The following PSG9 variants were observed in gnomAD, a reference collection of about 807,000 sequenced individuals.
PSG9 encodes pregnancy specific beta-1-glycoprotein 9.
In PSG9, 49 loss-of-function variants were observed where a neutral mutation model predicts 41.9. That is an observed-to-expected ratio of 1.17 (90% CI 0.93 to 1.48). PSG9 has a LOEUF of 1.48. Among genes scored for constraint, PSG9 ranks in the 40% most tolerant of loss-of-function variants. The probability of loss-of-function intolerance (pLI) is 0.00; values close to 1 mark genes in which losing one functional copy is unlikely to be tolerated. For missense variants in PSG9, 641 were observed against 520.3 expected (o/e 1.23, Z -2.26); for synonymous variants, 263 against 196.8 (o/e 1.34, Z -2.82).
intron 3 of PSG9, chr19:43,259,771 A>AC (rs1968622917): frequency 1.3e-5 from 2 of 150,720 alleles, no homozygotes; most frequent in Admixed American, 1.3e-4. Context: ...TGAACCAGTG[A>AC]CCTCTAAACA....
intron 2 of PSG9, among the ~76,000 whole-genome samples, chr19:43,262,791 G>A (rs575486545): frequency 1.2e-4 from 18 of 152,278 alleles, no homozygotes; most frequent in South Asian, 6.2e-4. Flanking sequence ...TAACGATAGA[G>A]CAGAGTCCAA....
intron 2 of PSG9, among the ~76,000 whole-genome samples, chr19:43,263,853 G>A (rs1001603392): frequency 9.2e-5 from 14 of 152,208 alleles, no homozygotes; most frequent in East Asian, 1.9e-4. Flanking sequence ...TTACATAAAG[G>A]GAGGAAGGAT....
rs977728246 is a variant in PSG9, at chr19:43,257,880, G to C, written c.1243+322C>G. ...AAGACGTGGCAGAAGGGGATGTGTC[G>C]GTGACAGCGAGAAGCAACTTGATCT... On this transcript the variant is annotated intron_variant, in intron 5 of 5. Coordinates refer to ENST00000270077, the MANE Select transcript of PSG9 (RefSeq NM_002784.5). The C allele has an allele frequency of 1.5e-5, 21 of 1,389,404 alleles. 1 individual carries two copies. The African/African-American group carries it at 1.7e-4, about 11-fold the overall frequency. 86.1% of individuals were successfully genotyped at this position (1,389,404 alleles called of 1,614,324 possible).
Position 43,267,836 on chromosome 19 carries a change from C to G in PSG9, c.378G>C (p.Lys126Asn). ...DAGTYTLHIIKRGDETREEIR... is the reference protein window; with the variant it reads ...DAGTYTLHIINRGDETREEIR... ...TTTCTTCTCTAGTCTCATCACCTCG[C>G]TTTATGATGTGTAAGGTGTAGGTTC... The change falls in exon 2 of 6, where the codon AAG becomes AAC. Residue 126 changes from lysine to asparagine, a missense_variant. By Grantham distance (94) the Lys-to-Asn change is moderately conservative (BLOSUM62 0). Coordinates refer to ENST00000270077, the MANE Select transcript of PSG9 (RefSeq NM_002784.5). 1.2e-6 allele frequency: 2 copies of G among 1,613,574 alleles called. No individual in the cohort carries two copies. The highest frequency in any genetic ancestry group is 1.7e-6 in the Non-Finnish European group (2 of 1,179,690).
rs907076762 is a variant in PSG9, at chr19:43,255,747, A to T, written c.1244-2101T>A. Among the ~76,000 whole-genome samples, 5 of 146,994 alleles carry T rather than the reference A, an allele frequency of 3.4e-5. 1 individual carries two copies. The highest frequency in any genetic ancestry group is 1.3e-4 in the African/African-American group (5 of 38,816). On this transcript the variant is annotated intron_variant, in intron 5 of 5. Coordinates refer to ENST00000270077, the MANE Select transcript of PSG9 (RefSeq NM_002784.5). ...GAAGGGAAATTAAGAAAAAAATTTCAATTTATATTAACATCAAAAAGAATA... is the reference window on the plus strand; with the variant it reads ...GAAGGGAAATTAAGAAAAAAATTTCTATTTATATTAACATCAAAAAGAATA...
intron 1 of PSG9, 152 bp from the exon 2 acceptor site, chr19:43,268,301 G>C: frequency 1.6e-6 from 2 of 1,256,220 alleles, no homozygotes; most frequent in Admixed American, 4.9e-5. Flanking sequence ...AAACGGGCAT[G>C]TGTGTTTGTG....
In PSG9 at chr19:43,259,128, C is replaced by G. The variant is rs760045817; in HGVS notation, c.717G>C (p.Leu239=). The change falls in exon 4 of 6, where the codon CTG becomes CTC. Residue 239 remains leucine (L), a synonymous_variant. Transcript: ENST00000270077. ...TGTTGATGGTGATGTAGGGGATGGG[C>G]AGCTTCGCTGTGTGGATAACAGAGA... ...DPVTLNLLPK[L]PIPYITINNL... The G allele has an allele frequency of 1.3e-6, 2 of 1,590,408 alleles. No homozygotes were observed. The highest frequency in any genetic ancestry group is 8.5e-7 in the Non-Finnish European group (1 of 1,174,216).
At chr19:43,266,002 G>C (rs1160612773) in intron 2 of PSG9, among the ~76,000 whole-genome samples, 1 of 151,958 alleles carries the variant, frequency 6.6e-6, no homozygotes, top group East Asian at 1.9e-4. Context: ...CTAGTTAGAG[G>C]GAATGTCTGG....
rs1384167295 is a variant in PSG9, at chr19:43,259,004, G to C, written c.841C>G (p.Pro281Ala). ...GGTCGCTTTACCCCGGGACTGACGG[G>C]GAGGCTCTGACCGTTTAGCCACCAA... ...YIWWLNGQSL[P>A]VSPGVKRPIE... is the part of the protein sequence containing the mutation. The change falls in exon 4 of 6, where the codon CCC becomes GCC. Residue 281 changes from proline to alanine, a missense_variant. Coordinates refer to ENST00000270077, the MANE Select transcript of PSG9 (RefSeq NM_002784.5). The C allele has an allele frequency of 6.3e-7, 1 of 1,590,572 alleles. No individual in the cohort carries two copies. Among genetic ancestry groups the C allele is most frequent in the African/African-American group, 1.4e-5 (1 of 70,540 alleles).
rs138514996 is a variant in PSG9 at position 43,258,463 on chromosome 19, G to T, written c.989-7C>A. 1,321 of 1,556,466 alleles carry T rather than the reference G, an allele frequency of 8.5e-4. 167 individuals carry two copies. The African/African-American group carries it at 0.013, about 16-fold the overall frequency. ...CTGGGGAGGTCTGGACCATCTGGAG[G>T]AAAGAGAATAAAGCCACACGTGATG... On this transcript the variant is annotated splice_polypyrimidine_tract_variant and splice_region_variant and intron_variant, in intron 4 of 5. Coordinates refer to ENST00000270077, the MANE Select transcript of PSG9 (RefSeq NM_002784.5).
chr19:43,268,148 T>C lies in PSG9; in HGVS notation c.66A>G (p.Ala22=), dbSNP rs773040264. The C allele has an allele frequency of 1.9e-6, 3 of 1,599,336 alleles. No individual in the cohort carries two copies. The highest frequency in any genetic ancestry group is 2.7e-5 in the African/African-American group (2 of 74,314). ...RITWKGLLLT[A]SLLNFWNPPT... ...GCGGGTTCCAGAAGTTTAAAAGTGA[T>C]GCTAGGAGGGGGAGACAGCATCAGT... The change falls in exon 2 of 6, where the codon GCA becomes GCG. Residue 22 remains alanine (A), a splice_region_variant and synonymous_variant. Coordinates refer to ENST00000270077, the MANE Select transcript of PSG9 (RefSeq NM_002784.5).
At chr19:43,268,769 T>C (rs1172123638) in intron 1 of PSG9, among the ~76,000 whole-genome samples, 2 of 152,160 alleles carry the variant, frequency 1.3e-5, no homozygotes, top group African/African-American at 2.4e-5. Flanking sequence ...GTTGAGGTTT[T>C]TTGCTGAGGA....
chr19:43,266,214 C>T (rs1157375767), intron 2 of PSG9, among the ~76,000 whole-genome samples: 2 of 151,740 alleles, frequency 1.3e-5, no homozygotes, highest in Non-Finnish European at 1.5e-5. Flanking sequence ...GCCCTGAGAA[C>T]CCTCCGGTGG....
chr19:43,262,167 C>A (rs1462994619), intron 2 of PSG9, 29 bp from the exon 3 acceptor site: 7 of 1,596,936 alleles, frequency 4.4e-6, no homozygotes, highest in Non-Finnish European at 6.0e-6. Context: ...GAAGATTGCC[C>A]TGTGTGGCAC....
Position 43,262,077 on chromosome 19 carries a change from A to G in PSG9, c.492T>C (p.Ala164=), listed in dbSNP as rs750507348. 1 of 1,614,012 alleles carries G rather than the reference A, an allele frequency of 6.2e-7. No individual in the cohort carries two copies. Among genetic ancestry groups the G allele is most frequent in the Non-Finnish European group, 8.5e-7 (1 of 1,179,920 alleles). ...SNLNPREAME[A]VRLICDPETL... ...TCTCAGGATCACAGATTAAGCGCAC[A>G]GCCTCCATGGCCTCCCTGGGGTTTA... The change falls in exon 3 of 6, where the codon GCT becomes GCC. Residue 164 remains alanine, a synonymous_variant. Coordinates refer to ENST00000270077, the MANE Select transcript of PSG9 (RefSeq NM_002784.5).
Position 43,265,781 on chromosome 19 carries a change from C to A in PSG9, c.430+2003G>T, listed in dbSNP as rs141275963. 1.8e-4 allele frequency among the ~76,000 whole-genome samples: 27 copies of A among 152,256 alleles called. No individual in the cohort carries two copies. In the East Asian group the frequency reaches 4.2e-3, roughly 24 times the overall value. Reference sequence around the variant, plus strand: ...GAGTGGATGGAGGAACTGCCTATCCCTGTCCCATGTTCTTGTCCACAGGTC... The same window carrying A: ...GAGTGGATGGAGGAACTGCCTATCCATGTCCCATGTTCTTGTCCACAGGTC... On this transcript the variant is annotated intron_variant, in intron 2 of 5. Transcript: ENST00000270077.
chr19:43,255,117 AAAAG>A (rs200486299), intron 5 of PSG9, among the ~76,000 whole-genome samples: 32,866 of 133,946 alleles, frequency 0.25, 5,994 homozygotes, highest in East Asian at 0.81. Flanking sequence ...AAAAAAAAAA[AAAAG>A]AAAGAAAGAA....
rs771600550 is a variant in PSG9 at position 43,269,369 on chromosome 19, T to C, written c.63A>G (p.Thr21=). The C allele has an allele frequency of 2.5e-6, 4 of 1,613,504 alleles. No homozygotes were observed. Among genetic ancestry groups the C allele is most frequent in the Non-Finnish European group, 2.5e-6 (3 of 1,179,608 alleles). Residue 21 remains threonine (T), a splice_region_variant and synonymous_variant, in exon 1 of 6, where the codon ACA becomes ACG. Transcript: ENST00000270077. Reference sequence around the variant, plus strand: ...TCTCCCAGGAAGTTCTCTCCTCACCTGTGAGCAGGAGCCCCTTCCAGGTGA... The same window carrying C: ...TCTCCCAGGAAGTTCTCTCCTCACCCGTGAGCAGGAGCCCCTTCCAGGTGA... The part of the protein sequence containing the change: ...QRITWKGLLL[T]ASLLNFWNPP...
chr19:43,257,792 G>T lies in PSG9; in HGVS notation c.1243+410C>A, dbSNP rs1482783898. On this transcript the variant is annotated intron_variant, in intron 5 of 5. Transcript: ENST00000270077. Reference sequence around the variant, plus strand: ...CTTCCTCCTCTCATCTGGGGGAAAAGTGTGAGCTTGTTTCAAAGCCTCAGC... The same window carrying T: ...CTTCCTCCTCTCATCTGGGGGAAAATTGTGAGCTTGTTTCAAAGCCTCAGC... 7.1e-5 allele frequency: 92 copies of T among 1,303,390 alleles called. 6 individuals carry two copies. The highest frequency in any genetic ancestry group is 1.1e-4 in the Admixed American group (3 of 26,306). 80.7% of individuals were successfully genotyped at this position (1,303,390 alleles called of 1,614,324 possible).
Sources: allele counts gnomAD v4.1 joint callset (sites outside exome capture counted in the v4.1 genomes callset), GRCh38; gene constraint gnomAD v4.1.1; transcripts MANE v1.5; gene names NCBI Gene and HGNC (gene_info 2026-07-23, HGNC 2026-07-21).